Variants in TST observed in about 807,000 individuals in gnomAD.
TST encodes thiosulfate sulfurtransferase.
TST carries 22 observed loss-of-function variants against 20.4 expected under a neutral mutation model. The ratio of observed to expected loss-of-function variants is 1.08; its 90% CI spans 0.77 to 1.54. The LOEUF is 1.54. TST is among the 40% of genes most tolerant of loss of function. The pLI is 0.00. For missense variants in TST, 392 were observed against 405.2 expected (o/e 0.97, Z 0.28); for synonymous variants, 187 against 173.8 (o/e 1.08, Z -0.60).
intron 2 of TST, among the ~76,000 whole-genome samples, chr22:37,012,194 C>T (rs1922504345): frequency 6.6e-6 from 1 of 152,218 alleles, no homozygotes. Context: ...ACTTCACCAC[C>T]CATGGAGGGG....
At chr22:37,016,241 G>C (rs544552325) in intron 2 of TST, among the ~76,000 whole-genome samples, 4 of 151,864 alleles carry the variant, frequency 2.6e-5, no homozygotes, top group African/African-American at 9.7e-5. Flanking sequence ...CACCACGCCC[G>C]GCCGCCACTG....
upstream of TST, chr22:37,020,090 A>C (rs113581792): frequency 0.022 from 8,524 of 389,104 alleles, 140 homozygotes; most frequent in Non-Finnish European, 0.028. Context: ...CCTTGGGTGG[A>C]AGTGGGTGAC....
intron 2 of TST, among the ~76,000 whole-genome samples, chr22:37,012,309 T>G (rs1345949217): frequency 1.3e-5 from 2 of 152,178 alleles, no homozygotes; most frequent in African/African-American, 4.8e-5. Context: ...TTTCTGGAAC[T>G]GTCTCAGTAC....
chr22:37,018,087 C>T (rs1178244689), intron 2 of TST, 51 bp downstream of exon 2: 10 of 1,391,820 alleles, frequency 7.2e-6, no homozygotes, highest in South Asian at 4.4e-5. Context: ...TACTCCCTAT[C>T]CTTCCATGGG....
intron 2 of TST, among the ~76,000 whole-genome samples, chr22:37,016,333 C>T (rs1339766392): frequency 6.6e-6 from 1 of 152,050 alleles, no homozygotes; most frequent in Non-Finnish European, 1.5e-5. Flanking sequence ...CCAGAGAGGC[C>T]AAGCAACTGG....
At chr22:37,016,487 T>A (rs927509679) in intron 2 of TST, among the ~76,000 whole-genome samples, 3 of 152,152 alleles carry the variant, frequency 2.0e-5, no homozygotes, top group African/African-American at 7.2e-5. Flanking sequence ...CATTACCCAC[T>A]GCAGGCCATT....
chr22:37,014,383 A>C (rs1922596776), intron 2 of TST, among the ~76,000 whole-genome samples: 1 of 152,070 alleles, frequency 6.6e-6, no homozygotes, highest in African/African-American at 2.4e-5. Flanking sequence ...AAACAAACAA[A>C]CAAACAAAAA....
At chr22:37,016,676 C>T (rs944461575) in intron 2 of TST, among the ~76,000 whole-genome samples, 15 of 152,130 alleles carry the variant, frequency 9.9e-5, no homozygotes, top group African/African-American at 2.9e-4. Context: ...GGAGAAGAGG[C>T]GTCTTGAACC....
Position 37,018,737 on chromosome 22 carries a change from T to A in TST, c.-5A>T, listed in dbSNP as rs776282563. 3 of 1,478,886 alleles carry A rather than the reference T, an allele frequency of 2.0e-6. No individual in the cohort carries two copies. The African/African-American group carries it at 4.2e-5, about 21-fold the overall frequency. The allele number at this position is 1,478,886 out of a possible 1,614,324, so 91.6% of individuals were successfully genotyped here. ...GTAGAGCACCTGATGAACCATGGCT[T>A]CAGCTCTGCGTGTCACCTGGCACGG... On this transcript the variant is annotated 5_prime_UTR_variant, in exon 2 of 3. Coordinates refer to ENST00000249042, the MANE Select transcript of TST (RefSeq NM_003312.6).
At position 37,011,296 on chromosome 22, in the gene TST, C is replaced by T. The variant is rs775904972; in HGVS notation, c.625G>A (p.Val209Ile). 5 of 1,613,444 alleles carry T rather than the reference C, an allele frequency of 3.1e-6. No homozygotes were observed. Among genetic ancestry groups the T allele is most frequent in the South Asian group, 2.2e-5 (2 of 91,068 alleles). ...AGGAAGTCCATGAAAGGCATGTTGA[C>T]GGCACCACGGATATGGCCCGAGTCC... ...GLDSGHIRGAVNMPFMDFLTE... is the reference protein window; with the variant it reads ...GLDSGHIRGAINMPFMDFLTE... Residue 209 changes from valine to isoleucine, a missense_variant, in exon 3 of 3, where the codon GTC becomes ATC. Coordinates refer to ENST00000249042, the MANE Select transcript of TST (RefSeq NM_003312.6).
chr22:37,014,166 T>A (rs1227790401), intron 2 of TST, among the ~76,000 whole-genome samples: 1 of 151,982 alleles, frequency 6.6e-6, no homozygotes, highest in South Asian at 2.1e-4. Flanking sequence ...ATCGAGACCA[T>A]CCTGGCTAAC....
intron 2 of TST, among the ~76,000 whole-genome samples, chr22:37,014,589 G>A (rs548249647): frequency 8.3e-5 from 10 of 119,914 alleles, no homozygotes; most frequent in African/African-American, 3.0e-4. Flanking sequence ...ACAAAGCAGG[G>A]GAGATTATTC....
intron 2 of TST, among the ~76,000 whole-genome samples, chr22:37,012,206 TA>T (rs1569160943): frequency 1.3e-5 from 2 of 150,606 alleles, no homozygotes; most frequent in East Asian, 3.9e-4. Context: ...ATGGAGGGGG[TA>T]GGGGGAGAAT....
chr22:37,019,891 C>A, upstream of TST: 4 of 1,192,538 alleles, frequency 3.4e-6, no homozygotes, highest in Non-Finnish European at 4.2e-6. Context: ...CGCGGCGTGG[C>A]GGCTTGCCTT....
In TST at chr22:37,014,372, A is replaced by AAAAC. The variant is rs1192763316; in HGVS notation, c.596-3051_596-3048dup. 6.6e-5 allele frequency among the ~76,000 whole-genome samples: 10 copies of AAAAC among 152,250 alleles called. No individual in the cohort carries two copies. The East Asian group carries it at 1.6e-3, about 24-fold the overall frequency. ...GTGACAGAGCGAGACTCCGTCTCAA[A>AAAAC]AAACAAACAAACAAACAAAAAGAAC... On this transcript the variant is annotated intron_variant, in intron 2 of 2. Coordinates refer to ENST00000249042, the MANE Select transcript of TST (RefSeq NM_003312.6).
chr22:37,012,783 C>T (rs990277505), intron 2 of TST, among the ~76,000 whole-genome samples: 4 of 152,328 alleles, frequency 2.6e-5, no homozygotes, highest in East Asian at 3.9e-4. Flanking sequence ...CAGTGGCTCA[C>T]GCCTGTAGTC....
intron 1 of TST, 171 bp from the exon 2 acceptor site, chr22:37,018,924 C>T (rs985282781): frequency 8.0e-6 from 4 of 497,966 alleles, no homozygotes; most frequent in African/African-American, 5.9e-5. Flanking sequence ...TGCAGATTCC[C>T]TCTGGAAAGC....
upstream of TST, chr22:37,020,034 T>G: frequency 2.4e-4 from 70 of 296,078 alleles, no homozygotes; most frequent in Middle Eastern, 9.5e-4. Context: ...ACTGTCCGCT[T>G]GGGGCGGCCT....
chr22:37,015,372 C>T (rs1376658818), intron 2 of TST, among the ~76,000 whole-genome samples: 20 of 152,236 alleles, frequency 1.3e-4, no homozygotes, highest in Non-Finnish European at 1.3e-4. Context: ...GATAAAGAAA[C>T]TGGGCTGGAT....
Sources: gnomAD v4.1 joint callset for allele counts (sites outside exome capture counted in the v4.1 genomes callset) on GRCh38, gnomAD v4.1.1 for gene constraint, MANE v1.5 for transcripts, NCBI Gene and HGNC (gene_info 2026-07-23, HGNC 2026-07-21) for gene names.